Variants in SOX5 observed in about 807,000 individuals in gnomAD.
The protein encoded by SOX5 is transcription factor SOX-5.
A neutral mutation model predicts 92.0 loss-of-function variants in SOX5; 9 were observed. The ratio of observed to expected loss-of-function variants is 0.10; its 90% confidence interval spans 0.06 to 0.17. The LOEUF is 0.17. Ranked by LOEUF, SOX5 falls within the 10% of genes least tolerant of loss-of-function variation. The pLI is 1.00. For missense variants in SOX5, 642 were observed against 944.5 expected, an observed-to-expected ratio of 0.68 and a Z score of 4.20; for synonymous variants, 344 against 336.3, an observed-to-expected ratio of 1.02 and a Z score of -0.25.
intron 1 of SOX5, among the ~76,000 whole-genome samples, chr12:24,411,348 G>C (rs951888961): frequency 6.6e-6 from 1 of 152,082 alleles, no homozygotes; most frequent in South Asian, 2.1e-4. Flanking sequence ...TTCTAGCACT[G>C]TGTTGAAGAA....
At chr12:23,688,965 A>G (rs553532605) in intron 6 of SOX5, among the ~76,000 whole-genome samples, 19 of 152,122 alleles carry the variant, frequency 1.2e-4, no homozygotes, top group Non-Finnish European at 2.6e-4. Context: ...TTTTCCCATC[A>G]ATTCCAATAT....
At chr12:23,983,758 C>G (rs944491868) in intron 4 of SOX5, among the ~76,000 whole-genome samples, 1 of 152,060 alleles carries the variant, frequency 6.6e-6, no homozygotes, top group Non-Finnish European at 1.5e-5. Flanking sequence ...GGAGAACTTA[C>G]AAACCAGATT....
intron 4 of SOX5, among the ~76,000 whole-genome samples, chr12:24,209,071 T>C (rs1329947940): frequency 3.3e-5 from 5 of 152,274 alleles, no homozygotes; most frequent in Non-Finnish European, 7.4e-5. Context: ...AAAAGTAAAA[T>C]TTAAAAAAAG....
intron 3 of SOX5, among the ~76,000 whole-genome samples, chr12:23,815,470 A>G (rs2095972220): frequency 6.6e-6 from 1 of 152,216 alleles, no homozygotes; most frequent in Non-Finnish European, 1.5e-5. Flanking sequence ...AACTGATAAG[A>G]GTTCATTATT....
At chr12:24,153,068 C>A (rs991550338) in intron 4 of SOX5, among the ~76,000 whole-genome samples, 3 of 152,122 alleles carry the variant, frequency 2.0e-5, no homozygotes, top group African/African-American at 7.2e-5. Flanking sequence ...GTCTGGACCA[C>A]TGGGGAAACC....
At chr12:24,553,487 C>G (rs1464650817) in intron 1 of SOX5, among the ~76,000 whole-genome samples, 1 of 152,192 alleles carries the variant, frequency 6.6e-6, no homozygotes, top group Non-Finnish European at 1.5e-5. Context: ...ATCTTGCAAA[C>G]TATGCTCACT....
intron 6 of SOX5, among the ~76,000 whole-genome samples, chr12:23,665,818 T>C (rs985807894): frequency 6.6e-6 from 1 of 152,164 alleles, no homozygotes; most frequent in African/African-American, 2.4e-5. Flanking sequence ...ATGATATCCT[T>C]GGCAGTGACG....
chr12:23,798,599 CAAAA>C (rs57605234), intron 3 of SOX5, among the ~76,000 whole-genome samples: 1 of 124,214 alleles, frequency 8.1e-6, no homozygotes, highest in East Asian at 2.1e-4. Context: ...GCAAAAGAAC[CAAAA>C]AAAAAAAAAA....
At chr12:23,979,894 T>C (rs907938808) in intron 4 of SOX5, among the ~76,000 whole-genome samples, 2 of 139,030 alleles carry the variant, frequency 1.4e-5, no homozygotes, top group African/African-American at 5.5e-5. Flanking sequence ...GCTGGCTGGC[T>C]GGCTGGCTGG....
chr12:23,650,872 G>T (rs2081472434), intron 7 of SOX5, among the ~76,000 whole-genome samples: 1 of 152,096 alleles, frequency 6.6e-6, no homozygotes, highest in Non-Finnish European at 1.5e-5. Flanking sequence ...AGATATATCA[G>T]TTTTGTGGCA....
intron 3 of SOX5, among the ~76,000 whole-genome samples, chr12:23,793,429 T>C (rs2095510793): frequency 6.6e-6 from 1 of 152,184 alleles, no homozygotes; most frequent in African/African-American, 2.4e-5. Context: ...AGGTACAATA[T>C]GTATTTTGTA....
chr12:24,185,344 C>T (rs1955908861), intron 4 of SOX5, among the ~76,000 whole-genome samples: 1 of 152,140 alleles, frequency 6.6e-6, no homozygotes, highest in Admixed American at 6.5e-5. Flanking sequence ...CTCCAATCCT[C>T]TCCCTCAGCC....
chr12:24,438,642 A>C (rs1939924991), intron 1 of SOX5, among the ~76,000 whole-genome samples: 1 of 152,200 alleles, frequency 6.6e-6, no homozygotes, highest in Non-Finnish European at 1.5e-5. Flanking sequence ...TCCAATCTTC[A>C]TGGATGACTT....
At chr12:23,864,537 A>G (rs1412001271) in intron 2 of SOX5, among the ~76,000 whole-genome samples, 4 of 152,324 alleles carry the variant, frequency 2.6e-5, no homozygotes, top group South Asian at 4.1e-4. Context: ...TCCACTCAAC[A>G]CACAAATGAT....
chr12:23,657,008 G>A (rs2082387036), intron 7 of SOX5, among the ~76,000 whole-genome samples: 1 of 151,984 alleles, frequency 6.6e-6, no homozygotes, highest in Non-Finnish European at 1.5e-5. Flanking sequence ...TATAGAGACA[G>A]GTTTAAGAAA....
At chr12:24,369,242 AGT>A (rs1956478137) in intron 1 of SOX5, among the ~76,000 whole-genome samples, 1 of 152,134 alleles carries the variant, frequency 6.6e-6, no homozygotes, top group South Asian at 2.1e-4. Flanking sequence ...ATGTCATAGG[AGT>A]GTCTTTGTTT....
At chr12:24,501,780 T>C (rs1050799596) in intron 1 of SOX5, among the ~76,000 whole-genome samples, 1 of 152,196 alleles carries the variant, frequency 6.6e-6, no homozygotes, top group Non-Finnish European at 1.5e-5. Flanking sequence ...TGAGTTGTAA[T>C]TGCAGCACTG....
At chr12:24,047,288 G>A (rs1009689953) in intron 4 of SOX5, among the ~76,000 whole-genome samples, 4 of 152,158 alleles carry the variant, frequency 2.6e-5, no homozygotes, top group Non-Finnish European at 5.9e-5. Flanking sequence ...TTAACAGATA[G>A]TCATGTTATT....
intron 3 of SOX5, among the ~76,000 whole-genome samples, chr12:23,807,939 C>G (rs1000320673): frequency 6.6e-6 from 1 of 152,098 alleles, no homozygotes; most frequent in Non-Finnish European, 1.5e-5. Context: ...CAAGCCACTG[C>G]ATCTGGACAA....
Sources: gnomAD v4.1 joint callset for allele counts (sites outside exome capture counted in the v4.1 genomes callset) on GRCh38, gnomAD v4.1.1 for gene constraint, MANE v1.5 for transcripts, NCBI Gene and HGNC (gene_info 2026-07-23, HGNC 2026-07-21) for gene names.